Variants in SERPINB6 observed in about 807,000 individuals in gnomAD.
SERPINB6 encodes serpin B6.
SERPINB6 carries 16 observed loss-of-function variants against 26.1 expected under a neutral mutation model. The ratio of observed to expected loss-of-function variants is 0.61; its 90% CI spans 0.42 to 0.93. SERPINB6 has a LOEUF of 0.93. Among genes scored for constraint, SERPINB6 ranks in the 40% least tolerant of loss-of-function variants. The pLI is 0.00. For missense variants in SERPINB6, 420 were observed against 478.0 expected, an observed-to-expected ratio of 0.88 and a Z score of 1.13; for synonymous variants, 174 against 176.6, an observed-to-expected ratio of 0.99 and a Z score of 0.11.
rs879037082 is a variant in SERPINB6 at position 2,948,703 on chromosome 6, G to C, written c.730-4C>G. On this transcript the variant is annotated splice_region_variant and splice_polypyrimidine_tract_variant and intron_variant, in intron 6 of 6. Transcript: ENST00000380539. This position sits in a 1 kb window ranked among gnomAD's most constrained non-coding sequence, Gnocchi z 5.0. The stretch of plus-strand genomic sequence containing the variant: ...CGTAAGTGAGTTCTTTCTCCACCTA[G>C]AGGGAGACAGTTGAAGACTTTAAGA... 21 of 1,613,960 alleles carry C rather than the reference G, an allele frequency of 1.3e-5. No individual in the cohort carries two copies. Among genetic ancestry groups the C allele is most frequent in the Non-Finnish European group, 1.5e-5 (18 of 1,179,874 alleles).
At chr6:2,961,783 T>C in intron 1 of SERPINB6, 1 of 977,274 alleles carries the variant, frequency 1.0e-6, no homozygotes, top group Non-Finnish European at 1.2e-6. Flanking sequence ...AGACAGAGGT[T>C]AAGTACCATG....
intron 1 of SERPINB6, chr6:2,970,599 C>T (rs1410959516): frequency 2.1e-5 from 25 of 1,219,206 alleles, no homozygotes; most frequent in Admixed American, 4.3e-5. Context: ...ACGAGAGCAT[C>T]CCAGAAAGCA....
chr6:2,970,801 A>T, intron 1 of SERPINB6: 2 of 1,231,260 alleles, frequency 1.6e-6, no homozygotes, highest in Non-Finnish European at 2.0e-6. Context: ...TGCCTTGAAG[A>T]CATCAAAGCC....
intron 1 of SERPINB6, among the ~76,000 whole-genome samples, chr6:2,961,525 C>G (rs1042088850): frequency 1.3e-5 from 2 of 152,134 alleles, no homozygotes; most frequent in African/African-American, 4.8e-5. Flanking sequence ...GCCCGCTTAT[C>G]AACTTGAAGA....
rs1258910968 is a variant in SERPINB6 at position 2,955,560 on chromosome 6, G to A, written c.276C>T (p.Asn92=). The change falls in exon 3 of 7, where the codon AAC becomes AAT. Residue 92 remains asparagine (N), a synonymous_variant. Transcript: ENST00000380539. ...TGTQYLLRMA[N]RLFGEKSCDF... Reference sequence around the variant, plus strand: ...CACAAGACTTTTCCCCAAAGAGCCTGTTGGCCATCCTAAGCAAGTACTGCG... The same window carrying A: ...CACAAGACTTTTCCCCAAAGAGCCTATTGGCCATCCTAAGCAAGTACTGCG... 1 of 1,614,230 alleles carries A rather than the reference G, an allele frequency of 6.2e-7. No individual in the cohort carries two copies. The highest frequency in any genetic ancestry group is 1.1e-5 in the South Asian group (1 of 91,086).
chr6:2,959,187 G>A lies in SERPINB6; in HGVS notation c.146C>T (p.Thr49Ile), dbSNP rs753299868. The A allele has an allele frequency of 8.7e-6, 14 of 1,614,186 alleles. No homozygotes were observed. The highest frequency in any genetic ancestry group is 1.1e-5 in the Non-Finnish European group (13 of 1,180,032). Reference sequence around the variant, plus strand: ...CTGTACCTGGGCCATCTGTGCAGCGGTGTTTCCCTTTGCCCCCATGTAGAC... The same window carrying A: ...CTGTACCTGGGCCATCTGTGCAGCGATGTTTCCCTTTGCCCCCATGTAGAC... The part of the protein sequence containing the change: ...AMVYMGAKGN[T>I]AAQMAQILSF... Residue 49 changes from threonine (T) to isoleucine (I), a missense_variant, in exon 2 of 7, where the codon ACC becomes ATC. Physicochemically the swap from Thr to Ile is moderately conservative, Grantham distance 89 (BLOSUM62 -1). Coordinates refer to ENST00000380539, the MANE Select transcript of SERPINB6 (RefSeq NM_004568.6).
chr6:2,948,295 T>G lies in SERPINB6; in HGVS notation c.*3A>C. On this transcript the variant is annotated 3_prime_UTR_variant, in exon 7 of 7. Coordinates refer to ENST00000380539, the MANE Select transcript of SERPINB6 (RefSeq NM_004568.6). This position sits in a 1 kb window ranked among gnomAD's most constrained non-coding sequence, Gnocchi z 5.0. ...GGGGCTGCACACCAAGACTGCCCTG[T>G]CCTCACGGAGAGGAAAAGCGGCCGC... 1 of 1,613,228 alleles carries G rather than the reference T, an allele frequency of 6.2e-7. No individual in the cohort carries two copies. The highest frequency in any genetic ancestry group is 8.5e-7 in the Non-Finnish European group (1 of 1,179,936).
Position 2,959,275 on chromosome 6 carries a change from C to T in SERPINB6, c.58G>A (p.Gly20Ser), listed in dbSNP as rs775408746. 1.9e-6 allele frequency: 3 copies of T among 1,614,134 alleles called. No homozygotes were observed. The highest frequency in any genetic ancestry group is 4.5e-5 in the East Asian group (2 of 44,888). The change falls in exon 2 of 7, where the codon GGT becomes AGT. Residue 20 changes from glycine to serine, a missense_variant. Coordinates refer to ENST00000380539, the MANE Select transcript of SERPINB6 (RefSeq NM_004568.6). ...AACACATTCTTCGAGTTGTCTTTACCCAGCGTTTTCAAAAGGTTTAAGGCA... is the reference window on the plus strand; with the variant it reads ...AACACATTCTTCGAGTTGTCTTTACTCAGCGTTTTCAAAAGGTTTAAGGCA... ...TFALNLLKTLGKDNSKNVFFS... is the reference protein window; with the variant it reads ...TFALNLLKTLSKDNSKNVFFS...
At chr6:2,971,276 C>A in intron 1 of SERPINB6, 1 of 775,788 alleles carries the variant, frequency 1.3e-6, no homozygotes. Context: ...TCTGCCGCTG[C>A]GAGGCTCCGG....
intron 4 of SERPINB6, 44 bp from the exon 5 acceptor site, chr6:2,953,230 G>T (rs368067407): frequency 6.2e-7 from 1 of 1,613,274 alleles, no homozygotes; most frequent in Non-Finnish European, 8.5e-7. Flanking sequence ...GGGCGGCTGC[G>T]GATCCCCGAC....
At position 2,970,455 on chromosome 6, in the gene SERPINB6, A is replaced by C. The variant is rs57652499; in HGVS notation, c.-11+1078T>G. 0.086 allele frequency: 94,198 copies of C among 1,091,488 alleles called. 5,295 individuals are homozygous for C. Among genetic ancestry groups the C allele is most frequent in the African/African-American group, 0.26 (15,779 of 61,286 alleles). The allele number at this position is 1,091,488 out of a possible 1,614,324, so 67.6% of individuals were successfully genotyped here. On this transcript the variant is annotated intron_variant, in intron 1 of 6. Transcript: ENST00000380539. The stretch of plus-strand genomic sequence containing the variant: ...AGCAGTCACTGGTGTTAATCCCAGC[A>C]CACATAAAAGCCCCAGCAATACAAG...
At chr6:2,958,484 T>C (rs557741819) in intron 2 of SERPINB6, among the ~76,000 whole-genome samples, 2 of 152,254 alleles carry the variant, frequency 1.3e-5, no homozygotes, top group East Asian at 3.9e-4. Flanking sequence ...TTCAAGCCTG[T>C]CTTCTGCGAG....
intron 1 of SERPINB6, among the ~76,000 whole-genome samples, chr6:2,965,587 A>G (rs1369310634): frequency 6.6e-6 from 1 of 152,234 alleles, no homozygotes; most frequent in African/African-American, 2.4e-5. Context: ...TACAAATCTG[A>G]TAAATCAAGA....
intron 5 of SERPINB6, among the ~76,000 whole-genome samples, chr6:2,951,443 T>TC (rs1554101518): frequency 6.7e-6 from 1 of 150,302 alleles, no homozygotes; most frequent in East Asian, 1.9e-4. Context: ...AGTAAACCTT[T>TC]AAAAAAAATT....
rs1769586984 is a variant in SERPINB6 at position 2,949,914 on chromosome 6, A to G, written c.574-845T>C. Among the ~76,000 whole-genome samples, 3 of 152,156 alleles carry G rather than the reference A, an allele frequency of 2.0e-5. No homozygotes were observed. The South Asian group carries it at 6.2e-4, about 32-fold the overall frequency. On this transcript the variant is annotated intron_variant, in intron 5 of 6. Coordinates refer to ENST00000380539, the MANE Select transcript of SERPINB6 (RefSeq NM_004568.6). ...ACTGCACTGCCAGCAAACCCAGTTC[A>G]TCTCATCTCTACGCAGTAAGCTTGT... is the stretch of plus-strand genomic sequence containing the variant.
intron 1 of SERPINB6, chr6:2,968,390 C>CA (rs1771827270): frequency 2.9e-6 from 2 of 688,152 alleles, no homozygotes; most frequent in Non-Finnish European, 3.6e-6. Flanking sequence ...ACCTGCACAA[C>CA]AACCTGCGAC....
At chr6:2,971,154 G>A in intron 1 of SERPINB6, 3 of 1,008,694 alleles carry the variant, frequency 3.0e-6, no homozygotes, top group Non-Finnish European at 3.5e-6. Context: ...CCCATCCCGC[G>A]CCGGCCGCCT....
At position 2,948,985 on chromosome 6, in the gene SERPINB6, C is replaced by T; in HGVS notation, c.658G>A (p.Val220Met). 4 of 1,614,216 alleles carry T rather than the reference C, an allele frequency of 2.5e-6. No individual in the cohort carries two copies. Among genetic ancestry groups the T allele is most frequent in the Non-Finnish European group, 3.4e-6 (4 of 1,180,036 alleles). ...AGTTCCTTGCCAACATATGGAAGCA[C>T]CAAGATTTGGGTAAATATTTCTCCT... is the stretch of plus-strand genomic sequence containing the variant. ...YIGEIFTQIL[V>M]LPYVGKELNM... Residue 220 changes from valine to methionine, a missense_variant, in exon 6 of 7, where the codon GTG (valine) becomes ATG (methionine). Physicochemically the swap from Val to Met is conservative, Grantham distance 21. Transcript: ENST00000380539. This position sits in a 1 kb window ranked among gnomAD's most constrained non-coding sequence, Gnocchi z 5.0.
At chr6:2,958,268 A>C (rs1581254220) in intron 2 of SERPINB6, 1 of 152,298 alleles carries the variant, frequency 6.6e-6, no homozygotes, top group South Asian at 2.1e-4. Context: ...TGCAGGAGAA[A>C]CCAACCCTGC....
Sources: allele counts gnomAD v4.1 joint callset (sites outside exome capture counted in the v4.1 genomes callset), GRCh38; gene constraint gnomAD v4.1.1; non-coding constraint Gnocchi (gnomAD v3.1); transcripts MANE v1.5; gene names NCBI Gene and HGNC (gene_info 2026-07-23, HGNC 2026-07-21).